The following MACROD2 variants were observed in gnomAD, a reference collection of about 807,000 sequenced individuals.
The protein encoded by MACROD2 is mono-ADP ribosylhydrolase 2.
In MACROD2, 36 loss-of-function variants were observed where a neutral mutation model predicts 70.4. The observed-to-expected ratio is 0.51, with a 90% CI of 0.39 to 0.68. The LOEUF (loss-of-function observed/expected upper bound fraction) is 0.68. MACROD2 is among the 30% of genes least tolerant of loss of function. The pLI, the probability that MACROD2 is intolerant of heterozygous loss-of-function variation, is 0.00. For missense variants in MACROD2, 496 were observed against 538.4 expected, an observed-to-expected ratio of 0.92 and a Z score of 0.78; for synonymous variants, 172 against 178.8, an observed-to-expected ratio of 0.96 and a Z score of 0.30.
intron 7 of MACROD2, among the ~76,000 whole-genome samples, chr20:15,440,571 A>G (rs570425567): frequency 6.6e-6 from 1 of 152,338 alleles, no homozygotes; most frequent in South Asian, 2.1e-4. Flanking sequence ...ACATCTGTCT[A>G]GAGTCACAGA....
chr20:15,481,279 T>C (rs1600474997), intron 7 of MACROD2, among the ~76,000 whole-genome samples: 1 of 152,316 alleles, frequency 6.6e-6, no homozygotes, highest in East Asian at 1.9e-4. Flanking sequence ...TCTTTGTCTA[T>C]GGAAGCAAAC....
At chr20:15,103,650 T>C (rs2075889753) in intron 5 of MACROD2, among the ~76,000 whole-genome samples, 1 of 152,184 alleles carries the variant, frequency 6.6e-6, no homozygotes. Context: ...GTTAAAATTC[T>C]AATGAAGAAG....
intron 5 of MACROD2, among the ~76,000 whole-genome samples, chr20:14,967,847 G>C (rs1600887004): frequency 6.6e-6 from 1 of 152,132 alleles, no homozygotes; most frequent in Middle Eastern, 3.4e-3. Flanking sequence ...AATTACTACT[G>C]TCCAATAAAT....
chr20:14,002,409 G>T lies in MACROD2; in HGVS notation c.163+5G>T. On this transcript the variant is annotated splice_donor_5th_base_variant and intron_variant, in intron 2 of 17. Transcript: ENST00000684519. ...AGGGCAAGGGCCAAAATGATGGTAA[G>T]TTTCTCGGAACATTTTTTAGGTAGA... is the stretch of plus-strand genomic sequence containing the variant. 1.3e-6 allele frequency: 2 copies of T among 1,554,872 alleles called. No individual in the cohort carries two copies. The highest frequency in any genetic ancestry group is 2.8e-5 in the African/African-American group (2 of 72,696).
At chr20:14,673,791 G>A (rs1272424984) in intron 4 of MACROD2, among the ~76,000 whole-genome samples, 5 of 151,524 alleles carry the variant, frequency 3.3e-5, no homozygotes, top group Non-Finnish European at 5.9e-5. Context: ...GTGGTGGTGG[G>A]CGCCTGTAAT....
At chr20:14,263,462 G>A (rs1364829562) in intron 3 of MACROD2, among the ~76,000 whole-genome samples, 1 of 152,100 alleles carries the variant, frequency 6.6e-6, no homozygotes, top group Non-Finnish European at 1.5e-5. Flanking sequence ...GCAGAGGGTA[G>A]GGGAGAGGAA....
intron 6 of MACROD2, among the ~76,000 whole-genome samples, chr20:15,234,803 G>A (rs1357255924): frequency 2.0e-5 from 3 of 151,944 alleles, no homozygotes; most frequent in Admixed American, 1.3e-4. Context: ...AGCCAGGGCT[G>A]GAAAATGAAA....
chr20:14,161,575 GTT>G (rs369321102), intron 3 of MACROD2, among the ~76,000 whole-genome samples: 2 of 136,204 alleles, frequency 1.5e-5, no homozygotes, highest in Admixed American at 7.4e-5. Flanking sequence ...AGACCCTTTG[GTT>G]TTTTTTTTTT....
intron 5 of MACROD2, among the ~76,000 whole-genome samples, chr20:15,198,290 G>A (rs2076624519): frequency 6.6e-6 from 1 of 152,232 alleles, no homozygotes. Context: ...GGATTACAAG[G>A]TGTGAGCCAC....
intron 3 of MACROD2, among the ~76,000 whole-genome samples, chr20:14,335,864 G>T (rs1004407828): frequency 6.6e-6 from 1 of 152,052 alleles, no homozygotes; most frequent in Admixed American, 6.6e-5. Context: ...ATGTGCGTTT[G>T]TCTGTGTGTA....
chr20:14,489,792 A>G (rs565770274), intron 3 of MACROD2, among the ~76,000 whole-genome samples: 32 of 152,314 alleles, frequency 2.1e-4, no homozygotes, highest in African/African-American at 7.7e-4. Flanking sequence ...TGGAGTGGAA[A>G]AACAAACAAT....
At chr20:14,156,256 T>C (rs1159695385) in intron 3 of MACROD2, among the ~76,000 whole-genome samples, 3 of 152,250 alleles carry the variant, frequency 2.0e-5, no homozygotes, top group Non-Finnish European at 4.4e-5. Flanking sequence ...ACCTTTGTTA[T>C]AGCTCTTTCA....
intron 3 of MACROD2, among the ~76,000 whole-genome samples, chr20:14,365,504 C>G (rs2083263774): frequency 6.6e-6 from 1 of 151,376 alleles, no homozygotes; most frequent in Admixed American, 6.6e-5. Flanking sequence ...ATTTTTTACC[C>G]TTTTTTCTTA....
At chr20:15,836,515 T>C (rs2064116174) in intron 8 of MACROD2, among the ~76,000 whole-genome samples, 1 of 152,190 alleles carries the variant, frequency 6.6e-6, no homozygotes, top group South Asian at 2.1e-4. Flanking sequence ...ACAAAATATA[T>C]CTACTGATGT....
intron 3 of MACROD2, among the ~76,000 whole-genome samples, chr20:14,115,650 T>C (rs2054504774): frequency 6.6e-6 from 1 of 152,168 alleles, no homozygotes; most frequent in Non-Finnish European, 1.5e-5. Flanking sequence ...AAAAACAGTG[T>C]GTTCACCAAT....
At chr20:15,346,417 G>A (rs781206031) in intron 6 of MACROD2, among the ~76,000 whole-genome samples, 5 of 152,192 alleles carry the variant, frequency 3.3e-5, no homozygotes, top group African/African-American at 4.8e-5. Flanking sequence ...GATCAGGAAA[G>A]AGGAAGATTT....
At chr20:14,932,003 TAA>T (rs11483683) in intron 5 of MACROD2, among the ~76,000 whole-genome samples, 20 of 135,972 alleles carry the variant, frequency 1.5e-4, no homozygotes, top group African/African-American at 2.8e-4. Context: ...CCCTGTTTCT[TAA>T]AAAAAAAAAA....
intron 3 of MACROD2, among the ~76,000 whole-genome samples, chr20:14,112,180 A>C (rs2054459438): frequency 6.6e-6 from 1 of 151,854 alleles, no homozygotes. Context: ...ATTCATGGAG[A>C]TAGAGAGTAG....
At chr20:15,863,760 C>T (rs2064456712) in intron 9 of MACROD2, among the ~76,000 whole-genome samples, 1 of 152,034 alleles carries the variant, frequency 6.6e-6, no homozygotes, top group Admixed American at 6.6e-5. Flanking sequence ...TCTATCAGAG[C>T]CAAACAATAA....
Sources: allele counts gnomAD v4.1 joint callset (sites outside exome capture counted in the v4.1 genomes callset), GRCh38; gene constraint gnomAD v4.1.1; transcripts MANE v1.5; gene names NCBI Gene and HGNC (gene_info 2026-07-23, HGNC 2026-07-21).